The following SH3PXD2A variants were observed in gnomAD, a reference collection of about 807,000 sequenced individuals.
SH3PXD2A encodes the protein SH3 and PX domains 2A.
Under a neutral mutation model 115.2 loss-of-function variants are expected in SH3PXD2A, and 32 were observed. The observed-to-expected ratio is 0.28, with a 90% CI of 0.21 to 0.37. The LOEUF is 0.37. SH3PXD2A is among the 10% of genes least tolerant of loss of function. The pLI, the probability that SH3PXD2A is intolerant of heterozygous loss-of-function variation, is 1.00. For synonymous variants in SH3PXD2A, 610 were observed against 629.1 expected, an observed-to-expected ratio of 0.97 and a Z score of 0.45; for missense variants, 1,328 against 1,498.7, an observed-to-expected ratio of 0.89 and a Z score of 1.88.
chr10:103,735,909 C>G (rs997298806), intron 3 of SH3PXD2A, 101 bp from the exon 4 acceptor site: 6 of 886,886 alleles, frequency 6.8e-6, no homozygotes, highest in Non-Finnish European at 1.1e-5. Context: ...TAGTCCAGCA[C>G]TACCTGCCAC....
chr10:103,603,695 G>A lies in SH3PXD2A; in HGVS notation c.1523C>T (p.Pro508Leu). Residue 508 changes from proline (P) to leucine (L), a missense_variant, in exon 15 of 15, where the codon CCC becomes CTC. By Grantham distance (98) the Pro-to-Leu change is moderately conservative (BLOSUM62 -3). This residue lies in a region of SH3PXD2A where 509 missense variants were observed against 628.3 expected (regional missense o/e 0.81). Transcript: ENST00000369774. ...PASYIDKRKK[P>L]NLSRRTSTLT... ...CGTGCTTGTGCGGCGGCTCAGGTTGGGCTTCTTGCGCTTATCGATGTATGA... is the reference window on the plus strand; with the variant it reads ...CGTGCTTGTGCGGCGGCTCAGGTTGAGCTTCTTGCGCTTATCGATGTATGA... 1 of 1,609,716 alleles carries A rather than the reference G, an allele frequency of 6.2e-7. No homozygotes were observed. Among genetic ancestry groups the A allele is most frequent in the Non-Finnish European group, 8.5e-7 (1 of 1,179,260 alleles).
chr10:103,800,398 G>A (rs991270606), intron 2 of SH3PXD2A, among the ~76,000 whole-genome samples: 2 of 152,172 alleles, frequency 1.3e-5, no homozygotes, highest in Admixed American at 6.5e-5. Flanking sequence ...TCTGTTGGGA[G>A]CCAAAAGATA....
chr10:103,821,025 A>T (rs185866766), intron 1 of SH3PXD2A, among the ~76,000 whole-genome samples: 1 of 152,230 alleles, frequency 6.6e-6, no homozygotes, highest in East Asian at 1.9e-4. Context: ...CTAGACAATG[A>T]GGGTAATAAG....
chr10:103,698,805 A>G (rs1482273139), intron 5 of SH3PXD2A, among the ~76,000 whole-genome samples: 1 of 152,084 alleles, frequency 6.6e-6, no homozygotes, highest in Admixed American at 6.5e-5. Context: ...CACTCAGTGC[A>G]GAGAAAAGAG....
At chr10:103,640,825 G>C (rs930032714) in intron 8 of SH3PXD2A, among the ~76,000 whole-genome samples, 4 of 152,198 alleles carry the variant, frequency 2.6e-5, no homozygotes, top group African/African-American at 9.7e-5. Context: ...GGGCCTGGCA[G>C]TGAGTGAGCT....
chr10:103,650,045 G>C (rs1349872327), intron 8 of SH3PXD2A, among the ~76,000 whole-genome samples: 1 of 152,236 alleles, frequency 6.6e-6, no homozygotes, highest in Non-Finnish European at 1.5e-5. Flanking sequence ...TGATCTTGTG[G>C]GGAGAGGAGA....
intron 9 of SH3PXD2A, 116 bp downstream of exon 9, chr10:103,626,966 AAGGGAGG>A (rs755525127): frequency 8.0e-6 from 5 of 626,038 alleles, no homozygotes; most frequent in Non-Finnish European, 1.4e-5. Context: ...ATGGGATCCC[AAGGGAGG>A]AGGCTAGGAT....
At chr10:103,851,222 C>T (rs1370214771) in intron 1 of SH3PXD2A, among the ~76,000 whole-genome samples, 1 of 151,666 alleles carries the variant, frequency 6.6e-6, no homozygotes, top group Admixed American at 6.6e-5. Context: ...CTCCCAGGAC[C>T]AAGAATAAAA....
chr10:103,697,036 C>T (rs143378726), intron 5 of SH3PXD2A, among the ~76,000 whole-genome samples: 2 of 152,066 alleles, frequency 1.3e-5, no homozygotes, highest in Non-Finnish European at 2.9e-5. Context: ...CCGGGTGATA[C>T]GGTTCCTCTC....
At chr10:103,690,759 G>A (rs1432409488) in intron 6 of SH3PXD2A, among the ~76,000 whole-genome samples, 2 of 152,098 alleles carry the variant, frequency 1.3e-5, no homozygotes, top group African/African-American at 4.8e-5. Context: ...TCACAAAATG[G>A]GTATGAATAT....
At chr10:103,844,591 G>C (rs1842822499) in intron 1 of SH3PXD2A, among the ~76,000 whole-genome samples, 1 of 152,222 alleles carries the variant, frequency 6.6e-6, no homozygotes, top group South Asian at 2.1e-4. Flanking sequence ...TCTCACAGAA[G>C]CCCCTGTAGC....
At chr10:103,628,840 C>T (rs2036736783) in intron 8 of SH3PXD2A, among the ~76,000 whole-genome samples, 1 of 152,230 alleles carries the variant, frequency 6.6e-6, no homozygotes, top group African/African-American at 2.4e-5. Context: ...TGCCACTGGT[C>T]CAATTCCTGT....
intron 1 of SH3PXD2A, among the ~76,000 whole-genome samples, chr10:103,841,165 C>A (rs1027052800): frequency 6.6e-6 from 1 of 152,110 alleles, no homozygotes; most frequent in African/African-American, 2.4e-5. Flanking sequence ...TAGAATGAAG[C>A]CTTTGTCCAG....
Position 103,714,082 on chromosome 10 carries a change from G to T in SH3PXD2A, c.398+10188C>A, listed in dbSNP as rs1214325788. ...AGTTCTGCCTTAAACTCCCCATGGAGGGGTAACTACCCAGGGACTAGGAAC... is the reference window on the plus strand; with the variant it reads ...AGTTCTGCCTTAAACTCCCCATGGATGGGTAACTACCCAGGGACTAGGAAC... On this transcript the variant is annotated intron_variant, in intron 5 of 14. Coordinates refer to ENST00000369774, the MANE Select transcript of SH3PXD2A (RefSeq NM_001394015.1). Among the ~76,000 whole-genome samples the T allele has an allele frequency of 3.9e-5, 6 of 152,214 alleles. No homozygotes were observed. In the East Asian group the frequency reaches 1.2e-3, roughly 29 times the overall value.
chr10:103,730,233 T>C (rs113336533), intron 4 of SH3PXD2A, among the ~76,000 whole-genome samples: 707 of 50,842 alleles, frequency 0.014, 3 homozygotes, highest in Non-Finnish European at 0.019. Flanking sequence ...TTCTCGTTTC[T>C]TTTTTTTTTT....
intron 6 of SH3PXD2A, among the ~76,000 whole-genome samples, chr10:103,692,152 G>A (rs1222832677): frequency 1.3e-5 from 2 of 152,020 alleles, no homozygotes; most frequent in East Asian, 1.9e-4. Flanking sequence ...GTCTGTCCCC[G>A]CCCCCACTTC....
intron 1 of SH3PXD2A, among the ~76,000 whole-genome samples, chr10:103,834,031 A>G (rs1315755591): frequency 6.6e-6 from 1 of 152,166 alleles, no homozygotes; most frequent in Non-Finnish European, 1.5e-5. Flanking sequence ...GTCTCTAACC[A>G]GGCCAGAGGA....
intron 8 of SH3PXD2A, among the ~76,000 whole-genome samples, chr10:103,642,009 G>A (rs867872658): frequency 2.0e-5 from 3 of 152,110 alleles, no homozygotes; most frequent in African/African-American, 4.8e-5. Flanking sequence ...GTTACGTTCC[G>A]ATAAAGCCAT....
At chr10:103,648,691 T>C (rs541635267) in intron 8 of SH3PXD2A, among the ~76,000 whole-genome samples, 1 of 152,372 alleles carries the variant, frequency 6.6e-6, no homozygotes, top group South Asian at 2.1e-4. Flanking sequence ...ATTCATCATA[T>C]TCTTTCTGTT....
Sources: gnomAD v4.1 joint callset for allele counts (sites outside exome capture counted in the v4.1 genomes callset) on GRCh38, gnomAD v4.1.1 for gene constraint, gnomAD v4.1.1 regional missense constraint, MANE v1.5 for transcripts, NCBI Gene and HGNC (gene_info 2026-07-23, HGNC 2026-07-21) for gene names.